The following ZNF3 variants were observed in gnomAD, a reference collection of about 807,000 sequenced individuals.
ZNF3 encodes zinc finger protein 3.
A neutral mutation model predicts 36.9 loss-of-function variants in ZNF3; 16 were observed. The observed-to-expected ratio is 0.43, with a 90% CI of 0.29 to 0.66. ZNF3 has a LOEUF of 0.66. Ranked by LOEUF, ZNF3 falls within the 30% of genes least tolerant of loss-of-function variation. ZNF3 has a pLI of 0.13. For missense variants in ZNF3, 462 were observed against 543.1 expected, an observed-to-expected ratio of 0.85 and a Z score of 1.48; for synonymous variants, 201 against 201.9, an observed-to-expected ratio of 1.00 and a Z score of 0.04.
chr7:100,072,753 C>T (rs146766766), intron 5 of ZNF3, among the ~76,000 whole-genome samples: 16 of 152,250 alleles, frequency 1.1e-4, no homozygotes, highest in African/African-American at 3.9e-4. Flanking sequence ...CCCATGGAAA[C>T]GGCAAGACAA....
At chr7:100,069,013 A>G (rs1319681770), downstream of ZNF3, among the ~76,000 whole-genome samples, 1 of 150,812 alleles carries the variant, frequency 6.6e-6, no homozygotes. Context: ...TTTTTTTAGG[A>G]GAGAGAGCAT....
Position 100,071,997 on chromosome 7 carries a change from T to G in ZNF3, c.487A>C (p.Lys163Gln). The change falls in exon 6 of 6, where the codon AAG becomes CAG. Residue 163 changes from lysine to glutamine, a missense_variant. Transcript: ENST00000299667. ...PDFGQVTVEE[K>Q]LTPRGERSEK... Reference sequence around the variant, plus strand: ...CTTCTCTCTCCCCTGGGGGTTAGCTTCTCCTCAACTGTCACTTGACCAAAA... The same window carrying G: ...CTTCTCTCTCCCCTGGGGGTTAGCTGCTCCTCAACTGTCACTTGACCAAAA... 6.2e-7 allele frequency: 1 copy of G among 1,613,970 alleles called. No individual in the cohort carries two copies. The highest frequency in any genetic ancestry group is 8.5e-7 in the Non-Finnish European group (1 of 1,179,952).
intron 5 of ZNF3, 136 bp from the exon 6 acceptor site, chr7:100,072,348 C>T (rs1250264327): frequency 2.8e-5 from 22 of 794,886 alleles, no homozygotes; most frequent in Admixed American, 9.2e-5. Flanking sequence ...CACATGTGTG[C>T]GGCTAAGGCA....
chr7:100,076,999 A>T (rs1268426415), intron 3 of ZNF3: 1 of 228,410 alleles, frequency 4.4e-6, no homozygotes, highest in South Asian at 5.8e-5. Flanking sequence ...TGAACCCAGG[A>T]GGCGGAGGTT....
chr7:100,075,730 CAA>C, intron 3 of ZNF3, 100 bp from the exon 4 acceptor site: 3 of 1,051,962 alleles, frequency 2.9e-6, no homozygotes, highest in Non-Finnish European at 4.3e-6. Flanking sequence ...GGTCCTGGGA[CAA>C]CACAGGACCC....
At chr7:100,074,859 C>A (rs1269751966) in intron 5 of ZNF3, among the ~76,000 whole-genome samples, 2 of 151,990 alleles carry the variant, frequency 1.3e-5, no homozygotes, top group African/African-American at 2.4e-5. Context: ...CATGGTGAAA[C>A]CCCGTCTCTA....
At position 100,072,207 on chromosome 7, in the gene ZNF3, C is replaced by T; in HGVS notation, c.277G>A (p.Glu93Lys). The change falls in exon 6 of 6, where the codon GAG becomes AAG. Residue 93 changes from glutamate (E) to lysine (K), a missense_variant. Transcript: ENST00000299667. ...TCTTGATCATTTTCAGTCCTGGTCT[C>T]ACGATCTGACACAATAAAAAATGCA... ...NYGNVFSLDR[E>K]TRTENDQEIS... 1.3e-6 allele frequency: 2 copies of T among 1,569,360 alleles called. No individual in the cohort carries two copies.
rs1461891005 is a variant in ZNF3, at chr7:100,064,893, T to TA, written c.290dup (p.Leu97PhefsTer25). The TA allele has an allele frequency of 7.4e-7, 1 of 1,348,358 alleles. No individual in the cohort carries two copies. The allele number at this position is 1,348,358 out of a possible 1,614,324, so 83.5% of individuals were successfully genotyped here. ...ATGCCAGCATTACCTTTTGCGTAGT[T>TA]AAACAGACGTGTATCCAGTCTAGTT... On this transcript the variant is annotated frameshift_variant, in exon 6 of 6. Coordinates refer to the ZNF3 transcript ENST00000413658. LOFTEE classifies it low-confidence loss of function (END_TRUNC).
chr7:100,064,297 G>A (rs765758411), exon 6 of ZNF3: 19 of 1,614,170 alleles, frequency 1.2e-5, no homozygotes, highest in Non-Finnish European at 1.5e-5. Context: ...TTGTGGCAAG[G>A]CTTTCAGCGG....
Position 100,071,628 on chromosome 7 carries a change from A to G in ZNF3, c.856T>C (p.Cys286Arg). The G allele has an allele frequency of 6.2e-7, 1 of 1,614,080 alleles. No homozygotes were observed. The highest frequency in any genetic ancestry group is 8.5e-7 in the Non-Finnish European group (1 of 1,179,958). The change falls in exon 6 of 6, where the codon TGT (cysteine) becomes CGT (arginine). Residue 286 changes from cysteine (C) to arginine (R), a missense_variant. By Grantham distance (180) the Cys-to-Arg change is radical. Coordinates refer to ENST00000299667, the MANE Select transcript of ZNF3 (RefSeq NM_032924.5). Reference protein sequence around the residue: ...RIHTGEKPYECNECGKTFSWS... With the variant: ...RIHTGEKPYERNECGKTFSWS... ...CTGAAGGTCTTCCCACACTCATTAC[A>G]TTCATAGGGTTTCTCCCCCGTGTGG... is the stretch of plus-strand genomic sequence containing the variant.
At chr7:100,077,164 G>T in intron 3 of ZNF3, 139 bp downstream of exon 3, 1 of 986,488 alleles carries the variant, frequency 1.0e-6, no homozygotes, top group Non-Finnish European at 1.6e-6. Context: ...CCACTAGGCT[G>T]TGAGTTACTG....
downstream of ZNF3, among the ~76,000 whole-genome samples, chr7:100,069,592 TC>T (rs1387856155): frequency 6.6e-6 from 1 of 151,100 alleles, no homozygotes; most frequent in Non-Finnish European, 1.5e-5. Context: ...ACTTTCAAAT[TC>T]CATTTATAGT....
chr7:100,071,153 T>A lies in ZNF3; in HGVS notation c.1331A>T (p.Glu444Val). The A allele has an allele frequency of 1.3e-6, 2 of 1,586,630 alleles. No individual in the cohort carries two copies. Among genetic ancestry groups the A allele is most frequent in the Non-Finnish European group, 1.7e-6 (2 of 1,165,342 alleles). The change falls in exon 6 of 6, where the codon GAG (glutamate) becomes GTG (valine). Residue 444 changes from glutamate (E) to valine (V), a missense_variant. Coordinates refer to ENST00000299667, the MANE Select transcript of ZNF3 (RefSeq NM_032924.5). ...LRVTTELNIREST is the reference protein window; with the variant it reads ...LRVTTELNIRVST Reference sequence around the variant, plus strand: ...GGGTGTGTGGCTCTTTCACGTGGACTCTCTGATATTTAACTCGGTCGTAAC... The same window carrying A: ...GGGTGTGTGGCTCTTTCACGTGGACACTCTGATATTTAACTCGGTCGTAAC...
intron 4 of ZNF3, 74 bp downstream of exon 4, chr7:100,075,468 G>T: frequency 6.4e-7 from 1 of 1,571,866 alleles, no homozygotes; most frequent in Non-Finnish European, 8.7e-7. Context: ...GAGGAGATCA[G>T]GGTTTAAAGC....
chr7:100,080,344 A>C (rs1051137850), intron 1 of ZNF3, among the ~76,000 whole-genome samples: 2 of 152,116 alleles, frequency 1.3e-5, no homozygotes, highest in African/African-American at 4.8e-5. Context: ...AAATTCAATG[A>C]CTGGCGACCT....
downstream of ZNF3, chr7:100,064,980 G>T: frequency 3.8e-6 from 6 of 1,586,754 alleles, no homozygotes; most frequent in Non-Finnish European, 5.2e-6. Context: ...AATTTGTAAA[G>T]AATTGAGCCA....
At chr7:100,075,010 T>C in intron 5 of ZNF3, 125 bp downstream of exon 5, 13 of 1,216,790 alleles carry the variant, frequency 1.1e-5, no homozygotes, top group Non-Finnish European at 1.5e-5. Flanking sequence ...TGAGCAAAGA[T>C]TGTGCCATTG....
At chr7:100,074,538 T>C (rs1485303548) in intron 5 of ZNF3, among the ~76,000 whole-genome samples, 1 of 152,168 alleles carries the variant, frequency 6.6e-6, no homozygotes, top group African/African-American at 2.4e-5. Context: ...TCTCAGAGTG[T>C]TGGGATTACA....
downstream of ZNF3, among the ~76,000 whole-genome samples, chr7:100,069,389 A>G (rs1443052620): frequency 1.3e-5 from 2 of 152,050 alleles, no homozygotes; most frequent in African/African-American, 2.4e-5. Context: ...CATCTCTACT[A>G]AAAATACAAA....
Sources: gnomAD v4.1 joint callset for allele counts (sites outside exome capture counted in the v4.1 genomes callset) on GRCh38, gnomAD v4.1.1 for gene constraint, MANE v1.5 for transcripts, NCBI Gene and HGNC (gene_info 2026-07-23, HGNC 2026-07-21) for gene names.